Variants in NAA60 observed in about 807,000 individuals in gnomAD.
The protein encoded by NAA60 is N-alpha-acetyltransferase 60, NatF catalytic subunit.
A neutral mutation model predicts 26.1 loss-of-function variants in NAA60; 8 were observed. That is an observed-to-expected ratio of 0.31 (90% CI 0.18 to 0.55). NAA60 has a LOEUF of 0.55. Among genes scored for constraint, NAA60 ranks in the 20% least tolerant of loss-of-function variants. The probability of loss-of-function intolerance (pLI) is 0.93; values close to 1 mark genes in which losing one functional copy is unlikely to be tolerated. For synonymous variants in NAA60, 131 were observed against 122.5 expected, an observed-to-expected ratio of 1.07 and a Z score of -0.46; for missense variants, 290 against 311.3, an observed-to-expected ratio of 0.93 and a Z score of 0.51.
rs1202311769 is a variant in NAA60 at position 3,483,380 on chromosome 16, A to C, written c.355A>C (p.Ser119Arg). The C allele has an allele frequency of 6.2e-7, 1 of 1,611,694 alleles. No homozygotes were observed. Residue 119 changes from serine to arginine, a missense_variant, in exon 6 of 8, where the codon AGT (serine) becomes CGT (arginine). Coordinates refer to ENST00000407558, the MANE Select transcript of NAA60 (RefSeq NM_001083601.3). ...KHGIGSLLLE[S>R]LKDHISTTAQ... Reference sequence around the variant, plus strand: ...TCCCCAAGGTTCCCTCTTACTTGAAAGTTTAAAGGATCACATATCAACCAC... The same window carrying C: ...TCCCCAAGGTTCCCTCTTACTTGAACGTTTAAAGGATCACATATCAACCAC...
At chr16:3,450,075 T>C (rs1365044011) in intron 2 of NAA60, 3 of 394,124 alleles carry the variant, frequency 7.6e-6, no homozygotes, top group Non-Finnish European at 1.3e-5. Context: ...AGAATTTCTT[T>C]GGAAGCAAAA....
At chr16:3,479,794 G>T (rs115452824) in intron 4 of NAA60, among the ~76,000 whole-genome samples, 194 bp downstream of exon 4, 2,612 of 152,218 alleles carry the variant, frequency 0.017, 64 homozygotes, top group African/African-American at 0.056. Context: ...TTCATGGTGC[G>T]TGGGCCTCCA....
chr16:3,458,715 C>G (rs140583430), intron 2 of NAA60, among the ~76,000 whole-genome samples: 1 of 152,194 alleles, frequency 6.6e-6, no homozygotes, highest in Non-Finnish European at 1.5e-5. Context: ...GTCTAGGTCT[C>G]CTCCTAGTCT....
chr16:3,464,575 T>G (rs1429480108), intron 2 of NAA60, among the ~76,000 whole-genome samples: 4 of 152,158 alleles, frequency 2.6e-5, no homozygotes, highest in African/African-American at 9.7e-5. Context: ...AGCCTTAAGT[T>G]TTCTCTCCGA....
chr16:3,460,630 T>C (rs928203574), intron 2 of NAA60, among the ~76,000 whole-genome samples: 7 of 152,138 alleles, frequency 4.6e-5, no homozygotes, highest in African/African-American at 1.7e-4. Flanking sequence ...CTCCCAAAGT[T>C]CTGGGATTAC....
At chr16:3,471,817 C>G (rs893787851) in intron 2 of NAA60, among the ~76,000 whole-genome samples, 1 of 152,170 alleles carries the variant, frequency 6.6e-6, no homozygotes, top group Admixed American at 6.5e-5. Context: ...GCCAGGTGGG[C>G]AGCCTTTCCC....
chr16:3,482,676 G>A (rs1336593009), intron 5 of NAA60, 78 bp downstream of exon 5: 5 of 814,532 alleles, frequency 6.1e-6, no homozygotes, highest in Non-Finnish European at 8.8e-6. Context: ...TCTGCACCCA[G>A]TCTCTTCCCT....
chr16:3,449,178 G>C (rs530678313), intron 2 of NAA60, among the ~76,000 whole-genome samples: 1 of 151,408 alleles, frequency 6.6e-6, no homozygotes, highest in Non-Finnish European at 1.5e-5. Flanking sequence ...TTCGAGACCA[G>C]CCTGCCCAAC....
At chr16:3,473,628 G>A (rs1468986770) in intron 2 of NAA60, among the ~76,000 whole-genome samples, 3 of 152,140 alleles carry the variant, frequency 2.0e-5, no homozygotes, top group African/African-American at 7.2e-5. Context: ...TCAAACTCCT[G>A]ACCTCAAGCA....
chr16:3,482,378 C>T (rs2036892269), intron 4 of NAA60, 124 bp from the exon 5 acceptor site: 4 of 754,992 alleles, frequency 5.3e-6, no homozygotes, highest in African/African-American at 3.4e-5. Flanking sequence ...TTGATTCTGC[C>T]CCTCCCAGTC....
At chr16:3,472,726 C>G (rs1436194221) in intron 2 of NAA60, among the ~76,000 whole-genome samples, 1 of 152,222 alleles carries the variant, frequency 6.6e-6, no homozygotes, top group East Asian at 1.9e-4. Flanking sequence ...AGCCACCGCT[C>G]CTGGCCCTGG....
rs531499979 is a variant in NAA60 at position 3,445,584 on chromosome 16, C to T, written c.-77+1747C>T. On this transcript the variant is annotated intron_variant, in intron 1 of 7. Coordinates refer to ENST00000407558, the MANE Select transcript of NAA60 (RefSeq NM_001083601.3). ...GCCACCGCGCCCCGCCTATTTAATGCTATTCTTACATCAGCACTGTCTCAT... is the reference window on the plus strand; with the variant it reads ...GCCACCGCGCCCCGCCTATTTAATGTTATTCTTACATCAGCACTGTCTCAT... Among the ~76,000 whole-genome samples, 40 of 152,080 alleles carry T rather than the reference C, an allele frequency of 2.6e-4. No individual in the cohort carries two copies. The South Asian group carries it at 4.8e-3, about 18-fold the overall frequency.
At chr16:3,470,493 C>T (rs1635393) in intron 2 of NAA60, among the ~76,000 whole-genome samples, 20,089 of 152,242 alleles carry the variant, frequency 0.13, 1,690 homozygotes, top group Non-Finnish European at 0.19. Context: ...TTTTTCAGGA[C>T]CTCTCCCTCC....
intron 2 of NAA60, among the ~76,000 whole-genome samples, chr16:3,471,311 C>A (rs548207859): frequency 6.6e-6 from 1 of 152,196 alleles, no homozygotes; most frequent in East Asian, 1.9e-4. Context: ...ACCATCCTGG[C>A]TAACAAGGTG....
At chr16:3,477,700 G>A (rs2036567752) in intron 3 of NAA60, among the ~76,000 whole-genome samples, 1 of 150,736 alleles carries the variant, frequency 6.6e-6, no homozygotes, top group Non-Finnish European at 1.5e-5. Context: ...ACTTTGGGAG[G>A]CCAAGGCAGG....
chr16:3,466,761 G>A (rs1001092856), intron 2 of NAA60, among the ~76,000 whole-genome samples: 9 of 152,296 alleles, frequency 5.9e-5, no homozygotes, highest in African/African-American at 1.4e-4. Context: ...AAGGTGGCCC[G>A]AGAGGGAGAT....
At chr16:3,461,990 G>A (rs1328403631) in intron 2 of NAA60, among the ~76,000 whole-genome samples, 2 of 151,398 alleles carry the variant, frequency 1.3e-5, no homozygotes, top group South Asian at 2.1e-4. Context: ...GGGAAACTGA[G>A]GTGGGAGGAT....
At chr16:3,448,408 A>C in intron 1 of NAA60, 63 bp from the exon 2 acceptor site, 3 of 1,368,942 alleles carry the variant, frequency 2.2e-6, no homozygotes, top group Non-Finnish European at 3.0e-6. Context: ...TCATTAGCCT[A>C]TGAGTTGTAG....
chr16:3,467,455 G>A (rs760968876), intron 2 of NAA60, among the ~76,000 whole-genome samples: 37 of 152,172 alleles, frequency 2.4e-4, no homozygotes, highest in Non-Finnish European at 4.4e-4. Flanking sequence ...CTTTCCAAGC[G>A]CAGCATGACT....
Sources: allele counts gnomAD v4.1 joint callset (sites outside exome capture counted in the v4.1 genomes callset), GRCh38; gene constraint gnomAD v4.1.1; transcripts MANE v1.5; gene names NCBI Gene and HGNC (gene_info 2026-07-23, HGNC 2026-07-21).